KMO: variants seen among roughly 807,000 people sequenced by gnomAD.
KMO encodes the protein kynurenine 3-hydroxylase.
KMO carries 24 observed loss-of-function variants against 57.8 expected under a neutral mutation model. The ratio of observed to expected loss-of-function variants is 0.42; its 90% CI spans 0.30 to 0.58. The LOEUF (loss-of-function observed/expected upper bound fraction) is 0.58. Ranked by LOEUF, KMO falls within the 20% of genes least tolerant of loss-of-function variation. The pLI is 0.22. For synonymous variants in KMO, 210 were observed against 193.6 expected (o/e 1.08, Z -0.70); for missense variants, 483 against 588.2 (o/e 0.82, Z 1.85).
At chr1:241,558,617 C>T (rs1259844473) in intron 5 of KMO, among the ~76,000 whole-genome samples, 1 of 152,134 alleles carries the variant, frequency 6.6e-6, no homozygotes, top group Non-Finnish European at 1.5e-5. Context: ...TCTGACAAAC[C>T]TTGCATCAAA....
intron 14 of KMO, among the ~76,000 whole-genome samples, chr1:241,591,030 C>G (rs759388668): frequency 1.6e-4 from 24 of 151,976 alleles, no homozygotes; most frequent in Non-Finnish European, 2.8e-4. Flanking sequence ...AAACAGGGAG[C>G]CCAGGGAGGC....
At chr1:241,578,323 T>TAA (rs1394509238) in intron 10 of KMO, among the ~76,000 whole-genome samples, 1 of 152,130 alleles carries the variant, frequency 6.6e-6, no homozygotes, top group Non-Finnish European at 1.5e-5. Context: ...TCTGATGAAA[T>TAA]AAACTTCCCA....
intron 4 of KMO, among the ~76,000 whole-genome samples, chr1:241,552,159 TGA>T (rs1187846244): frequency 7.9e-6 from 1 of 127,292 alleles, no homozygotes; most frequent in Non-Finnish European, 1.7e-5. Flanking sequence ...TGTGTGTGTG[TGA>T]GTGTGAGTGT....
intron 1 of KMO, among the ~76,000 whole-genome samples, chr1:241,533,559 C>G (rs114636733): frequency 6.6e-6 from 1 of 152,118 alleles, no homozygotes; most frequent in Admixed American, 6.5e-5. Flanking sequence ...GGACATGTGT[C>G]GTCACTGCTT....
rs1221619286 is a variant in KMO at position 241,585,885 on chromosome 1, A to G, written c.958-794A>G. ...ATTCTCCATCCTCTCTGTATTTAGT[A>G]TAGTACATTACTAATTTTGTGGACT... On this transcript the variant is annotated intron_variant, in intron 10 of 14. Transcript: ENST00000366559. Among the ~76,000 whole-genome samples the G allele has an allele frequency of 2.0e-5, 3 of 152,018 alleles. No individual in the cohort carries two copies. In the East Asian group the frequency reaches 5.8e-4, roughly 29 times the overall value.
chr1:241,578,133 T>G (rs1173764709), intron 10 of KMO, among the ~76,000 whole-genome samples: 1 of 152,130 alleles, frequency 6.6e-6, no homozygotes, highest in Non-Finnish European at 1.5e-5. Flanking sequence ...TGAATGGCTG[T>G]CTATAGGCCA....
chr1:241,537,258 C>G (rs951625687), intron 1 of KMO, among the ~76,000 whole-genome samples: 5 of 152,114 alleles, frequency 3.3e-5, no homozygotes, highest in African/African-American at 7.2e-5. Flanking sequence ...TGTTCTCAAC[C>G]TACTCCTTTC....
Position 241,566,589 on chromosome 1 carries a change from G to A in KMO, c.786G>A (p.Pro262=), listed in dbSNP as rs142152979. The A allele has an allele frequency of 1.0e-2, 16,128 of 1,613,574 alleles. 109 individuals are homozygous for A. The highest frequency in any genetic ancestry group is 0.013 in the Non-Finnish European group (15,115 of 1,179,680). ...DVVDFFQKYF[P]DAIPLIGEKL... ...TAGATTTCTTCCAGAAATACTTTCC[G>A]GATGCCATCCCTCTAATTGGAGAGT... Residue 262 remains proline (P), a synonymous_variant, in exon 9 of 15, where the codon CCG becomes CCA. Transcript: ENST00000366559.
intron 1 of KMO, among the ~76,000 whole-genome samples, chr1:241,539,843 A>G (rs1216039994): frequency 6.6e-6 from 1 of 152,122 alleles, no homozygotes; most frequent in Non-Finnish European, 1.5e-5. Context: ...CCTTTTATTC[A>G]AAATTGCCCT....
At chr1:241,586,788 T>G (rs762916185) in intron 11 of KMO, 52 bp downstream of exon 11, 1 of 1,276,790 alleles carries the variant, frequency 7.8e-7, no homozygotes, top group African/African-American at 1.5e-5. Context: ...TCTGACTAAT[T>G]GTGGGCTTAT....
At chr1:241,580,723 A>G (rs574367902) in intron 10 of KMO, among the ~76,000 whole-genome samples, 1 of 152,124 alleles carries the variant, frequency 6.6e-6, no homozygotes, top group South Asian at 2.1e-4. Flanking sequence ...ACTTGATGTG[A>G]TTTCAATTTT....
chr1:241,570,127 A>T (rs1322804480), intron 10 of KMO, among the ~76,000 whole-genome samples: 1 of 152,114 alleles, frequency 6.6e-6, no homozygotes, highest in East Asian at 1.9e-4. Context: ...TCTGATTATT[A>T]ATCCCTTGTC....
chr1:241,549,216 A>AGAAG (rs1661280702), intron 2 of KMO, among the ~76,000 whole-genome samples: 1 of 7,200 alleles, frequency 1.4e-4, no homozygotes, highest in African/African-American at 2.2e-4. Context: ...AAAGAAAGAA[A>AGAAG]GAAAGAAAGA....
At chr1:241,584,925 C>T (rs1294203537) in intron 10 of KMO, among the ~76,000 whole-genome samples, 1 of 151,982 alleles carries the variant, frequency 6.6e-6, no homozygotes, top group Non-Finnish European at 1.5e-5. Flanking sequence ...ACTTTCTTAT[C>T]CATAAAACTG....
chr1:241,541,029 C>T (rs1006661858), intron 1 of KMO, among the ~76,000 whole-genome samples: 2 of 152,134 alleles, frequency 1.3e-5, no homozygotes, highest in African/African-American at 2.4e-5. Context: ...GCCTTGCATG[C>T]CTGCCTGGGT....
Position 241,562,281 on chromosome 1 carries a change from G to C in KMO, c.564G>C (p.Gln188His), listed in dbSNP as rs767498478. 6 of 1,614,144 alleles carry C rather than the reference G, an allele frequency of 3.7e-6. No individual in the cohort carries two copies. Among genetic ancestry groups the C allele is most frequent in the Non-Finnish European group, 4.2e-6 (5 of 1,179,958 alleles). ...MKKPRFDYSQ[Q>H]YIPHGYMELT... Reference sequence around the variant, plus strand: ...AACCTCGCTTTGATTACAGTCAGCAGTACATTCCTCATGGGTACATGGAGT... The same window carrying C: ...AACCTCGCTTTGATTACAGTCAGCACTACATTCCTCATGGGTACATGGAGT... The change falls in exon 7 of 15, where the codon CAG (glutamine) becomes CAC (histidine). Residue 188 changes from glutamine (Q) to histidine (H), a missense_variant. By Grantham distance (24) the Gln-to-His change is conservative. Around this residue, in one of 3 missense-constraint regions of KMO, gnomAD observed 410 missense variants for 492.3 expected, o/e 0.83. Coordinates refer to ENST00000366559, the MANE Select transcript of KMO (RefSeq NM_003679.5).
chr1:241,581,950 C>T (rs1207136208), intron 10 of KMO, among the ~76,000 whole-genome samples: 9 of 151,972 alleles, frequency 5.9e-5, no homozygotes, highest in East Asian at 1.9e-4. Context: ...TCTTGTAAGA[C>T]GGATCTGGTG....
chr1:241,539,724 T>A (rs1283581817), intron 1 of KMO, among the ~76,000 whole-genome samples: 1 of 152,204 alleles, frequency 6.6e-6, no homozygotes, highest in African/African-American at 2.4e-5. Flanking sequence ...CTTTGTTTTC[T>A]CATTCCCCTG....
At chr1:241,569,182 CCT>C (rs930208884) in intron 10 of KMO, among the ~76,000 whole-genome samples, 2 of 151,976 alleles carry the variant, frequency 1.3e-5, no homozygotes, top group African/African-American at 4.8e-5. Context: ...ACCCCAAATT[CCT>C]CTCTTTTAGT....
Sources: gnomAD v4.1 joint callset for allele counts (sites outside exome capture counted in the v4.1 genomes callset) on GRCh38, gnomAD v4.1.1 for gene constraint, gnomAD v4.1.1 regional missense constraint, MANE v1.5 for transcripts, NCBI Gene and HGNC (gene_info 2026-07-23, HGNC 2026-07-21) for gene names.